The following FHIP1A variants were observed in gnomAD, a reference collection of about 807,000 sequenced individuals.
FHIP1A encodes FHF complex subunit HOOK-interacting protein 1A.
A neutral mutation model predicts 88.6 loss-of-function variants in FHIP1A; 61 were observed. The ratio of observed to expected loss-of-function variants is 0.69; its 90% CI spans 0.56 to 0.85. The LOEUF (loss-of-function observed/expected upper bound fraction) is 0.85. Among genes scored for constraint, FHIP1A ranks in the 40% least tolerant of loss-of-function variants. FHIP1A has a pLI of 0.00. For missense variants in FHIP1A, 1,154 were observed against 1,273.5 expected, an observed-to-expected ratio of 0.91 and a Z score of 1.43; for synonymous variants, 478 against 496.0, an observed-to-expected ratio of 0.96 and a Z score of 0.48.
At chr4:151,521,727 T>A (rs539239265) in intron 3 of FHIP1A, among the ~76,000 whole-genome samples, 70 of 150,394 alleles carry the variant, frequency 4.7e-4, no homozygotes, top group South Asian at 1.5e-3. Context: ...GTATGTATTT[T>A]TTTATTTATT....
At chr4:151,483,662 G>T (rs951731439) in intron 3 of FHIP1A, among the ~76,000 whole-genome samples, 14 of 152,088 alleles carry the variant, frequency 9.2e-5, no homozygotes, top group Non-Finnish European at 2.1e-4. Context: ...TAGCTAGATA[G>T]GAGAAATAAG....
chr4:151,591,377 ACTCCTGT>A (rs1374995155), intron 7 of FHIP1A, among the ~76,000 whole-genome samples: 3 of 148,274 alleles, frequency 2.0e-5, no homozygotes, highest in African/African-American at 7.4e-5. Context: ...CACTGGAGGG[ACTCCTGT>A]CTGTGTTTCC....
intron 13 of FHIP1A, among the ~76,000 whole-genome samples, chr4:151,661,924 T>G (rs1238779871): frequency 6.6e-6 from 1 of 152,196 alleles, no homozygotes; most frequent in Non-Finnish European, 1.5e-5. Context: ...CAAGGAATCT[T>G]CCGCTCTCCT....
chr4:151,620,565 G>A (rs1560803789), intron 7 of FHIP1A, among the ~76,000 whole-genome samples: 1 of 152,032 alleles, frequency 6.6e-6, no homozygotes, highest in Non-Finnish European at 1.5e-5. Flanking sequence ...GAAGTTAGCT[G>A]ACAAAACTGT....
chr4:151,653,072 C>T (rs1234302582), intron 11 of FHIP1A, among the ~76,000 whole-genome samples: 1 of 152,126 alleles, frequency 6.6e-6, no homozygotes, highest in Non-Finnish European at 1.5e-5. Flanking sequence ...ATTCAGAATG[C>T]GCCAGTGCTT....
chr4:151,614,416 C>T (rs906472963), intron 7 of FHIP1A, among the ~76,000 whole-genome samples: 63 of 147,702 alleles, frequency 4.3e-4, no homozygotes, highest in Middle Eastern at 3.5e-3. Flanking sequence ...CTACAGTAAG[C>T]GGTGATCACG....
intron 3 of FHIP1A, among the ~76,000 whole-genome samples, chr4:151,497,534 G>A (rs758561140): frequency 6.6e-6 from 1 of 152,194 alleles, no homozygotes; most frequent in African/African-American, 2.4e-5. Context: ...AAGTTTATCA[G>A]CTTGTAGTCT....
At chr4:151,538,934 G>T (rs2126724143) in intron 3 of FHIP1A, among the ~76,000 whole-genome samples, 1 of 152,328 alleles carries the variant, frequency 6.6e-6, no homozygotes, top group Non-Finnish European at 1.5e-5. Context: ...TTTAGGTGAG[G>T]TTGGGAGGGA....
chr4:151,646,310 G>A (rs558201751), intron 9 of FHIP1A, among the ~76,000 whole-genome samples: 4 of 152,312 alleles, frequency 2.6e-5, no homozygotes, highest in African/African-American at 9.6e-5. Flanking sequence ...AAGAGGGATC[G>A]TTTAAGAGAT....
intron 3 of FHIP1A, among the ~76,000 whole-genome samples, chr4:151,493,725 T>C (rs1237500758): frequency 6.6e-6 from 1 of 152,158 alleles, no homozygotes; most frequent in Non-Finnish European, 1.5e-5. Flanking sequence ...ACAAAAATTA[T>C]ATGATCATCT....
chr4:151,461,091 AT>A (rs898743182), intron 2 of FHIP1A, among the ~76,000 whole-genome samples: 3 of 152,204 alleles, frequency 2.0e-5, no homozygotes, highest in African/African-American at 7.2e-5. Flanking sequence ...GAGAGGACAA[AT>A]AGGAAAGTGT....
intron 3 of FHIP1A, among the ~76,000 whole-genome samples, chr4:151,523,892 T>C (rs1431184047): frequency 1.3e-5 from 2 of 152,202 alleles, no homozygotes; most frequent in Non-Finnish European, 2.9e-5. Context: ...TTGATCCATG[T>C]CCTTCTTTTC....
At chr4:151,604,793 G>A (rs1735008047) in intron 7 of FHIP1A, among the ~76,000 whole-genome samples, 1 of 151,594 alleles carries the variant, frequency 6.6e-6, no homozygotes, top group African/African-American at 2.4e-5. Flanking sequence ...AGGTTGCAGT[G>A]AGCTGAGATC....
intron 9 of FHIP1A, among the ~76,000 whole-genome samples, chr4:151,641,933 A>G (rs1300350591): frequency 6.6e-6 from 1 of 152,260 alleles, no homozygotes; most frequent in African/African-American, 2.4e-5. Flanking sequence ...GCGTTTAATG[A>G]AGGTATTTGT....
intron 1 of FHIP1A, among the ~76,000 whole-genome samples, chr4:151,440,457 C>G (rs1728362950): frequency 6.6e-6 from 1 of 152,112 alleles, no homozygotes; most frequent in African/African-American, 2.4e-5. Context: ...TTTCTAGTAG[C>G]TAGTCATCTC....
intron 3 of FHIP1A, among the ~76,000 whole-genome samples, chr4:151,489,385 A>G (rs1328522259): frequency 6.6e-6 from 1 of 152,154 alleles, no homozygotes; most frequent in Non-Finnish European, 1.5e-5. Context: ...GGGGCCACAG[A>G]GTGAAGGAAA....
intron 3 of FHIP1A, among the ~76,000 whole-genome samples, chr4:151,504,758 A>G (rs1306707836): frequency 6.6e-6 from 1 of 152,116 alleles, no homozygotes; most frequent in Admixed American, 6.5e-5. Context: ...GATAGCTGGG[A>G]TTACAGGCAT....
intron 7 of FHIP1A, among the ~76,000 whole-genome samples, chr4:151,608,111 C>A (rs1735154646): frequency 8.3e-6 from 1 of 119,856 alleles, no homozygotes; most frequent in Non-Finnish European, 1.6e-5. Flanking sequence ...GGGGCATGAT[C>A]TCGGTTCACT....
chr4:151,657,386 G>C (rs988165046), intron 13 of FHIP1A, among the ~76,000 whole-genome samples: 1 of 152,114 alleles, frequency 6.6e-6, no homozygotes, highest in African/African-American at 2.4e-5. Flanking sequence ...GTTTGGACTG[G>C]GAGAAGTAAA....
Sources: gnomAD v4.1 joint callset for allele counts (sites outside exome capture counted in the v4.1 genomes callset) on GRCh38, gnomAD v4.1.1 for gene constraint, MANE v1.5 for transcripts, NCBI Gene and HGNC (gene_info 2026-07-23, HGNC 2026-07-21) for gene names.